Variants in NTM observed in about 807,000 individuals in gnomAD.
NTM encodes the protein IgLON family member 2.
In NTM, 13 loss-of-function variants were observed where a neutral mutation model predicts 42.1. The observed-to-expected ratio is 0.31, with a 90% CI of 0.20 to 0.49. The LOEUF is 0.49. Ranked by LOEUF, NTM falls within the 20% of genes least tolerant of loss-of-function variation. The pLI is 0.99. For missense variants in NTM, 373 were observed against 452.8 expected (o/e 0.82, Z 1.60); for synonymous variants, 187 against 179.2 (o/e 1.04, Z -0.35).
In NTM at chr11:131,993,729, G is replaced by A. The variant is rs140530877; in HGVS notation, c.167+82081G>A. On this transcript the variant is annotated intron_variant, in intron 2 of 8. Transcript: ENST00000683400. ...ACCATAAAGGAGAGACAGGCTGAGC[G>A]GTGGCTCATGCCTGTAATCTCAGCA... Among the ~76,000 whole-genome samples the A allele has an allele frequency of 4.0e-3, 616 of 152,194 alleles. 6 individuals carry two copies. The highest frequency in any genetic ancestry group is 0.013 in the African/African-American group (550 of 41,518).
rs576095226 is a variant in NTM at position 131,638,223 on chromosome 11, GT to G, written c.82+267341del. ...TATAAGAGAGGGCAGTCTATAGACA[GT>G]TTTTTAAATTTAAGTTTAAAAAACT... On this transcript the variant is annotated intron_variant, in intron 1 of 8. Coordinates refer to ENST00000683400, the MANE Select transcript of NTM (RefSeq NM_001352005.2). 1.0e-3 allele frequency among the ~76,000 whole-genome samples: 158 copies of G among 152,282 alleles called. 1 individual carries two copies. The highest frequency in any genetic ancestry group is 1.9e-3 in the Non-Finnish European group (131 of 68,028).
intron 1 of NTM, among the ~76,000 whole-genome samples, chr11:131,807,799 C>T (rs1034889340): frequency 6.6e-6 from 1 of 152,052 alleles, no homozygotes; most frequent in African/African-American, 2.4e-5. Flanking sequence ...GTATTTTCTC[C>T]CTTTATACCT....
intron 1 of NTM, among the ~76,000 whole-genome samples, chr11:131,484,470 G>C (rs188269020): frequency 6.6e-6 from 1 of 152,316 alleles, no homozygotes; most frequent in African/African-American, 2.4e-5. Flanking sequence ...AGCTGGAGGA[G>C]GACACAGCGC....
chr11:131,603,821 C>T lies in NTM; in HGVS notation c.82+232933C>T, dbSNP rs138729774. The stretch of plus-strand genomic sequence containing the variant: ...GTGACTTATTTCTTCCACTTAGCAT[C>T]GTTTTTCAAAGTTCATGTGTGTTGT... On this transcript the variant is annotated intron_variant, in intron 1 of 8. Transcript: ENST00000683400. Among the ~76,000 whole-genome samples the T allele has an allele frequency of 1.9e-4, 29 of 152,248 alleles. 2 individuals are homozygous for T. Among genetic ancestry groups the T allele is most frequent in the African/African-American group, 5.8e-4 (24 of 41,550 alleles).
At chr11:131,632,863 C>T (rs531603623) in intron 1 of NTM, among the ~76,000 whole-genome samples, 82 of 148,488 alleles carry the variant, frequency 5.5e-4, no homozygotes, top group African/African-American at 1.7e-3. Flanking sequence ...TTAGTAGAGA[C>T]GGGGTTTCAC....
At chr11:132,137,618 G>A (rs924591455) in intron 2 of NTM, among the ~76,000 whole-genome samples, 2 of 152,178 alleles carry the variant, frequency 1.3e-5, no homozygotes, top group Admixed American at 6.5e-5. Context: ...TGCAGCCAAG[G>A]TGTAGGAAAA....
At chr11:131,886,018 C>T (rs1180319211) in intron 1 of NTM, among the ~76,000 whole-genome samples, 1 of 152,036 alleles carries the variant, frequency 6.6e-6, no homozygotes, top group East Asian at 1.9e-4. Flanking sequence ...TGACTCCCTG[C>T]CTTTCCTTCA....
rs995987094 is a variant in NTM at position 132,003,434 on chromosome 11, C to T, written c.167+91786C>T. 6.6e-6 allele frequency among the ~76,000 whole-genome samples: 1 copy of T among 151,948 alleles called. No individual in the cohort carries two copies. Among genetic ancestry groups the T allele is most frequent in the African/African-American group, 2.4e-5 (1 of 41,362 alleles). ...CTAATTTTTAAATTTTATGTAGAGA[C>T]AGACTGTCCTTATATTTCCCAGGCT... On this transcript the variant is annotated intron_variant, in intron 2 of 8. Coordinates refer to ENST00000683400, the MANE Select transcript of NTM (RefSeq NM_001352005.2). The surrounding 1 kb of genome is among the most constrained non-coding windows in gnomAD (Gnocchi z 6.0).
chr11:131,380,150 C>T (rs1942473418), intron 1 of NTM, among the ~76,000 whole-genome samples: 1 of 151,986 alleles, frequency 6.6e-6, no homozygotes, highest in Admixed American at 6.6e-5. Flanking sequence ...CCCCTCTCTA[C>T]CTAGAAAATG....
chr11:132,310,184 C>T lies in NTM; in HGVS notation c.734C>T (p.Ala245Val), dbSNP rs2095239359. 6.2e-7 allele frequency: 1 copy of T among 1,610,690 alleles called. No homozygotes were observed. Among genetic ancestry groups the T allele is most frequent in the Non-Finnish European group, 8.5e-7 (1 of 1,178,624 alleles). ...CAAAAGGGGACACTGCAGTGTGAAG[C>T]CTCAGCAGTCCCCTCAGCAGAATTC... is the stretch of plus-strand genomic sequence containing the variant. Reference protein sequence around the residue: ...VGQKGTLQCEASAVPSAEFQW... With the variant: ...VGQKGTLQCEVSAVPSAEFQW... Residue 245 changes from alanine to valine, a missense_variant, in exon 6 of 9, where the codon GCC becomes GTC. This residue lies in a region of NTM where 312 missense variants were observed against 353.5 expected (regional missense o/e 0.88). Coordinates refer to ENST00000683400, the MANE Select transcript of NTM (RefSeq NM_001352005.2).
intron 1 of NTM, chr11:131,539,304 AT>A (rs2052808430): frequency 6.6e-6 from 1 of 152,250 alleles, no homozygotes; most frequent in South Asian, 2.1e-4. Flanking sequence ...AATAGCCAAT[AT>A]TGAAGGAATT....
chr11:132,079,580 A>T (rs555657807), intron 2 of NTM, among the ~76,000 whole-genome samples: 1 of 152,052 alleles, frequency 6.6e-6, no homozygotes, highest in Non-Finnish European at 1.5e-5. Context: ...TTTTCTCTTT[A>T]TGTGTCAAAA....
At chr11:132,166,456 C>G (rs2075295587) in intron 3 of NTM, among the ~76,000 whole-genome samples, 1 of 152,094 alleles carries the variant, frequency 6.6e-6, no homozygotes, top group Admixed American at 6.6e-5. Flanking sequence ...AAATGTTTGT[C>G]AAAATCTTGA....
chr11:131,656,171 A>G (rs1319211909), intron 1 of NTM, among the ~76,000 whole-genome samples: 2 of 152,260 alleles, frequency 1.3e-5, no homozygotes, highest in Non-Finnish European at 2.9e-5. Context: ...TAAAGGGAGA[A>G]GGCTTTGCAT....
chr11:132,088,081 A>G (rs1176929978), intron 2 of NTM, among the ~76,000 whole-genome samples: 1 of 152,250 alleles, frequency 6.6e-6, no homozygotes, highest in Non-Finnish European at 1.5e-5. Flanking sequence ...ACTCACCCGT[A>G]TATCCCACAT....
At chr11:132,219,797 G>A (rs960010758) in intron 4 of NTM, among the ~76,000 whole-genome samples, 1 of 152,166 alleles carries the variant, frequency 6.6e-6, no homozygotes, top group Non-Finnish European at 1.5e-5. Flanking sequence ...ATGTTAGCTT[G>A]CAGACCTTCA....
intron 1 of NTM, among the ~76,000 whole-genome samples, chr11:131,625,290 C>G (rs2062987269): frequency 6.6e-6 from 1 of 152,136 alleles, no homozygotes; most frequent in Non-Finnish European, 1.5e-5. Context: ...ATAAGGTCCC[C>G]CCATGATGGT....
chr11:131,741,162 T>TGAGAGA lies in NTM; in HGVS notation c.83-170361_83-170356dup, dbSNP rs71067330. The stretch of plus-strand genomic sequence containing the variant: ...CCTGGGCAACAGAGCAAGACCCCGT[T>TGAGAGA]GAGAGAGAGAGAGAGAGAGAGAGAG... On this transcript the variant is annotated intron_variant, in intron 1 of 8. Transcript: ENST00000683400. 2.8e-3 allele frequency among the ~76,000 whole-genome samples: 359 copies of TGAGAGA among 129,790 alleles called. 2 individuals are homozygous for TGAGAGA. The highest frequency in any genetic ancestry group is 6.7e-3 in the African/African-American group (220 of 33,028). 85.1% of individuals were successfully genotyped at this position (129,790 alleles called of 152,430 possible).
intron 3 of NTM, among the ~76,000 whole-genome samples, chr11:132,188,521 C>G (rs1182344278): frequency 1.3e-5 from 2 of 152,160 alleles, no homozygotes; most frequent in African/African-American, 4.8e-5. Context: ...TTACGCCGGT[C>G]TCTAAACACT....
Sources: gnomAD v4.1 joint callset for allele counts (sites outside exome capture counted in the v4.1 genomes callset) on GRCh38, gnomAD v4.1.1 for gene constraint, gnomAD v4.1.1 regional missense constraint, Gnocchi (gnomAD v3.1) non-coding constraint, MANE v1.5 for transcripts, NCBI Gene and HGNC (gene_info 2026-07-23, HGNC 2026-07-21) for gene names.